The following SUCO variants were observed in gnomAD, a reference collection of about 807,000 sequenced individuals.
The protein encoded by SUCO is SUN domain containing ossification factor.
In SUCO, 57 loss-of-function variants were observed where a neutral mutation model predicts 148.1. The observed-to-expected ratio is 0.38, with a 90% CI of 0.31 to 0.48. The LOEUF is 0.48. Ranked by LOEUF, SUCO falls within the 20% of genes least tolerant of loss-of-function variation. SUCO has a pLI of 0.96. For missense variants in SUCO, 1,331 were observed against 1,468.2 expected, an observed-to-expected ratio of 0.91 and a Z score of 1.53; for synonymous variants, 470 against 502.7, an observed-to-expected ratio of 0.93 and a Z score of 0.87.
chr1:172,537,527 A>G (rs1419699437), intron 1 of SUCO, among the ~76,000 whole-genome samples: 5 of 152,204 alleles, frequency 3.3e-5, no homozygotes, highest in Non-Finnish European at 7.4e-5. Context: ...TTAAAACTGA[A>G]TAATTCCTAA....
intron 14 of SUCO, chr1:172,578,596 A>G (rs1035035471): frequency 4.3e-6 from 4 of 933,358 alleles, no homozygotes; most frequent in East Asian, 1.2e-4. Flanking sequence ...AAGCTTATCT[A>G]TCACTTATTT....
At chr1:172,578,217 G>A (rs1655601133) in intron 13 of SUCO, 81 bp from the exon 14 acceptor site, 1 of 1,080,478 alleles carries the variant, frequency 9.3e-7, no homozygotes, top group East Asian at 2.4e-5. Flanking sequence ...GACCAAAGTT[G>A]ATGTTTGTCA....
chr1:172,577,011 A>G (rs569749414), intron 11 of SUCO: 1 of 767,104 alleles, frequency 1.3e-6, no homozygotes, highest in African/African-American at 1.9e-5. Context: ...GAAATAACAT[A>G]GCATACCAAA....
chr1:172,532,458 G>T, upstream of SUCO: 2 of 1,594,362 alleles, frequency 1.3e-6, no homozygotes, highest in South Asian at 1.1e-5. Flanking sequence ...AAGGTTTTCC[G>T]CTGCAACCAA....
chr1:172,600,705 T>C (rs1357476745), intron 20 of SUCO, among the ~76,000 whole-genome samples: 1 of 36,500 alleles, frequency 2.7e-5, no homozygotes, highest in African/African-American at 9.9e-5. Context: ...AATGTGTGTG[T>C]GTGTGTGTGT....
intron 6 of SUCO, chr1:172,568,309 A>ACC: frequency 5.0e-6 from 2 of 396,762 alleles, no homozygotes; most frequent in Non-Finnish European, 6.4e-6. Flanking sequence ...TTTGCTTCCC[A>ACC]CCCACCCCAT....
chr1:172,573,353 G>A lies in SUCO; in HGVS notation c.1050-538G>A, dbSNP rs1655187879. On this transcript the variant is annotated intron_variant, in intron 9 of 23. Coordinates refer to ENST00000263688, the MANE Select transcript of SUCO (RefSeq NM_014283.5). The stretch of plus-strand genomic sequence containing the variant: ...ATGGCTGCTTAGTATTTCATTGTCT[G>A]GATGAACCATAATTTGTTAATTCTC... Among the ~76,000 whole-genome samples, 3 of 151,970 alleles carry A rather than the reference G, an allele frequency of 2.0e-5. No individual in the cohort carries two copies. The South Asian group carries it at 6.2e-4, about 32-fold the overall frequency.
chr1:172,534,634 C>T (rs1024426237), intron 1 of SUCO, among the ~76,000 whole-genome samples: 3 of 152,214 alleles, frequency 2.0e-5, no homozygotes, highest in African/African-American at 4.8e-5. Context: ...ACCTTTCATT[C>T]TGAATCCTTT....
chr1:172,548,128 TTTATCAGTCTA>T (rs1290297287), intron 1 of SUCO, among the ~76,000 whole-genome samples: 6 of 152,020 alleles, frequency 3.9e-5, no homozygotes, highest in Admixed American at 2.0e-4. Context: ...TCCATTCAAG[TTTATCAGTCTA>T]TTATCAGTTT....
At chr1:172,581,167 G>C (rs909011700) in intron 15 of SUCO, among the ~76,000 whole-genome samples, 1 of 152,122 alleles carries the variant, frequency 6.6e-6, no homozygotes, top group Admixed American at 6.5e-5. Flanking sequence ...TTCCCTGTTT[G>C]TATTCATGTC....
intron 15 of SUCO, among the ~76,000 whole-genome samples, chr1:172,583,219 TTTG>T (rs141621407): frequency 0.044 from 6,698 of 152,258 alleles, 177 homozygotes; most frequent in East Asian, 0.066. Context: ...AGTTTCCATT[TTTG>T]TTATCTCATA....
chr1:172,574,039 T>C, intron 10 of SUCO, 41 bp downstream of exon 10: 2 of 1,215,376 alleles, frequency 1.6e-6, no homozygotes, highest in Non-Finnish European at 2.3e-6. Context: ...ATGTTGGATC[T>C]CTGAAAAAAA....
Position 172,570,077 on chromosome 1 carries a change from G to A in SUCO, c.887G>A (p.Gly296Asp). Residue 296 changes from glycine (G) to aspartate (D), a missense_variant, in exon 8 of 24, where the codon GGT (glycine) becomes GAT (aspartate). Physicochemically the swap from Gly to Asp is moderately conservative, Grantham distance 94 (BLOSUM62 -1). Around this residue, in one of 3 missense-constraint regions of SUCO, gnomAD observed 992 missense variants for 1,093.5 expected, o/e 0.91. Transcript: ENST00000263688. ...TCGATGCATGCATCTTCTAATGGAG[G>A]TTCACATGCCACCAAAAAGGTCCAG... ...SQSMHASSNGGSHATKKVQKN... is the reference protein window; with the variant it reads ...SQSMHASSNGDSHATKKVQKN... 1 of 1,586,250 alleles carries A rather than the reference G, an allele frequency of 6.3e-7. No homozygotes were observed. Among genetic ancestry groups the A allele is most frequent in the South Asian group, 1.2e-5 (1 of 86,418 alleles).
chr1:172,573,755 G>A, intron 9 of SUCO, 136 bp from the exon 10 acceptor site: 2 of 555,318 alleles, frequency 3.6e-6, no homozygotes, highest in South Asian at 5.0e-5. Flanking sequence ...AGACAACTAA[G>A]GCTACATACC....
chr1:172,547,737 A>G (rs1390720130), intron 1 of SUCO, among the ~76,000 whole-genome samples: 2 of 152,174 alleles, frequency 1.3e-5, no homozygotes, highest in East Asian at 3.8e-4. Context: ...AAGGAATTCT[A>G]AAAAAGACAT....
chr1:172,602,010 A>G, intron 20 of SUCO, 54 bp from the exon 21 acceptor site: 1 of 1,511,730 alleles, frequency 6.6e-7, no homozygotes. Flanking sequence ...ATACCCTTAT[A>G]TTTTTCCTAA....
At chr1:172,553,478 T>A (rs1036925297) in intron 3 of SUCO, 108 bp downstream of exon 3, 13 of 635,324 alleles carry the variant, frequency 2.0e-5, no homozygotes, top group Non-Finnish European at 3.0e-5. Flanking sequence ...TTTTTCACTT[T>A]GAGGTACTCT....
chr1:172,550,834 G>GT, intron 1 of SUCO: 1 of 889,518 alleles, frequency 1.1e-6, no homozygotes, highest in Non-Finnish European at 1.3e-6. Flanking sequence ...GGATATAATC[G>GT]TAACATATTT....
In SUCO at chr1:172,610,889, G is replaced by A. The variant is rs1411607210; in HGVS notation, c.*630G>A. The A allele has an allele frequency of 6.6e-6, 1 of 152,528 alleles. No homozygotes were observed. The highest frequency in any genetic ancestry group is 1.5e-5 in the Non-Finnish European group (1 of 68,024). 9.4% of individuals were successfully genotyped at this position (152,528 alleles called of 1,614,324 possible). On this transcript the variant is annotated 3_prime_UTR_variant, in exon 24 of 24. Transcript: ENST00000263688. ...CTGTTAGGTAGATGGTGATGCTCTT[G>A]TTATTTTCACTTATTCAGACTGGAT...
Sources: allele counts gnomAD v4.1 joint callset (sites outside exome capture counted in the v4.1 genomes callset), GRCh38; gene constraint gnomAD v4.1.1; regional missense constraint gnomAD v4.1.1; transcripts MANE v1.5; gene names NCBI Gene and HGNC (gene_info 2026-07-23, HGNC 2026-07-21).